The following DSCAM variants were observed in gnomAD, a reference collection of about 807,000 sequenced individuals.
DSCAM encodes cell adhesion molecule DSCAM.
In DSCAM, 47 loss-of-function variants were observed where a neutral mutation model predicts 217.7. That is an observed-to-expected ratio of 0.22 (90% CI 0.17 to 0.28). The LOEUF (loss-of-function observed/expected upper bound fraction) is 0.28. Ranked by LOEUF, DSCAM falls within the 10% of genes least tolerant of loss-of-function variation. DSCAM has a pLI of 1.00. For missense variants in DSCAM, 2,080 were observed against 2,618.3 expected (o/e 0.79, Z 4.49); for synonymous variants, 1,056 against 1,015.3 (o/e 1.04, Z -0.76).
chr21:40,842,472 G>A (rs954054255), intron 1 of DSCAM, among the ~76,000 whole-genome samples: 1 of 152,102 alleles, frequency 6.6e-6, no homozygotes, highest in African/African-American at 2.4e-5. Flanking sequence ...TACGAAACCT[G>A]GATGCCACAT....
chr21:40,067,527 A>C (rs2089224890), intron 27 of DSCAM, among the ~76,000 whole-genome samples: 1 of 152,180 alleles, frequency 6.6e-6, no homozygotes, highest in South Asian at 2.1e-4. Flanking sequence ...TTCTGTCTGC[A>C]TTAGGCTGCT....
intron 3 of DSCAM, among the ~76,000 whole-genome samples, chr21:40,617,065 AAGAC>A (rs1056982120): frequency 4.5e-4 from 68 of 150,482 alleles, no homozygotes; most frequent in Non-Finnish European, 9.4e-4. Flanking sequence ...AATAGACTCT[AAGAC>A]AGCCAGGCAG....
chr21:40,191,586 G>A (rs1029146056), intron 11 of DSCAM, among the ~76,000 whole-genome samples: 1 of 152,082 alleles, frequency 6.6e-6, no homozygotes, highest in East Asian at 1.9e-4. Context: ...GTGCAATTCA[G>A]TTGTACACTT....
rs776488376 is a variant in DSCAM, at chr21:40,347,792, G to T, written c.1088C>A (p.Thr363Lys). The stretch of plus-strand genomic sequence containing the variant: ...TATAAGGTTTTCGTGGTTGATCCCT[G>T]TGATCCTCACATTTTTTCCAGGGTT... ...ILNPGKNVRI[T>K]GINHENLIMD... Residue 363 changes from threonine to lysine, a missense_variant, in exon 6 of 33, where the codon ACA becomes AAA. Thr to Lys is a moderately conservative substitution (Grantham distance 78). Coordinates refer to ENST00000400454, the MANE Select transcript of DSCAM (RefSeq NM_001389.5). The T allele has an allele frequency of 3.1e-6, 5 of 1,614,076 alleles. No homozygotes were observed. The highest frequency in any genetic ancestry group is 4.2e-6 in the Non-Finnish European group (5 of 1,180,032).
At chr21:40,348,137 A>C (rs1322859086) in intron 5 of DSCAM, among the ~76,000 whole-genome samples, 192 bp from the exon 6 acceptor site, 3 of 152,042 alleles carry the variant, frequency 2.0e-5, no homozygotes, top group African/African-American at 7.3e-5. Flanking sequence ...TACTCCACAC[A>C]GTTCCCATCA....
At chr21:40,221,954 T>C (rs548575549) in intron 11 of DSCAM, among the ~76,000 whole-genome samples, 10 of 152,186 alleles carry the variant, frequency 6.6e-5, no homozygotes, top group Non-Finnish European at 1.3e-4. Flanking sequence ...GGACTGAATA[T>C]GAGCTGATCA....
At chr21:40,332,301 C>T (rs2074385700) in intron 8 of DSCAM, among the ~76,000 whole-genome samples, 1 of 152,154 alleles carries the variant, frequency 6.6e-6, no homozygotes, top group Non-Finnish European at 1.5e-5. Flanking sequence ...TTCTGAGAGT[C>T]ACCACGGGTT....
At chr21:40,129,057 C>T (rs183383187) in intron 19 of DSCAM, among the ~76,000 whole-genome samples, 3 of 152,254 alleles carry the variant, frequency 2.0e-5, no homozygotes, top group East Asian at 1.9e-4. Context: ...ACACAGACAC[C>T]GCAGTCAGCT....
chr21:40,093,598 C>G (rs2089638157), intron 21 of DSCAM, 123 bp downstream of exon 21: 2 of 1,222,758 alleles, frequency 1.6e-6, no homozygotes, highest in African/African-American at 1.5e-5. Context: ...GTTTCTTGAG[C>G]TAAAATGTGA....
At chr21:40,139,730 G>A (rs1358360715) in intron 18 of DSCAM, among the ~76,000 whole-genome samples, 3 of 151,814 alleles carry the variant, frequency 2.0e-5, no homozygotes, top group African/African-American at 4.8e-5. Context: ...TGCAGTTTGT[G>A]TATGTGTATG....
chr21:40,535,854 G>T (rs990141239), intron 3 of DSCAM, among the ~76,000 whole-genome samples: 4 of 152,204 alleles, frequency 2.6e-5, no homozygotes, highest in African/African-American at 7.2e-5. Context: ...AACCACACCT[G>T]AAAGTATTTA....
At chr21:40,601,332 G>T (rs1298233815) in intron 3 of DSCAM, among the ~76,000 whole-genome samples, 2 of 152,072 alleles carry the variant, frequency 1.3e-5, no homozygotes, top group African/African-American at 2.4e-5. Context: ...CTGGTACATT[G>T]GAAAGCAATT....
At chr21:40,823,091 C>T (rs1005625932) in intron 1 of DSCAM, among the ~76,000 whole-genome samples, 1 of 151,900 alleles carries the variant, frequency 6.6e-6, no homozygotes, top group Non-Finnish European at 1.5e-5. Context: ...CAGAAGTTGC[C>T]GTGAGCCGAA....
intron 9 of DSCAM, 145 bp from the exon 10 acceptor site, chr21:40,296,319 G>A (rs2073953546): frequency 9.7e-7 from 1 of 1,029,980 alleles, no homozygotes; most frequent in Non-Finnish European, 1.4e-6. Flanking sequence ...ACTATTGGCA[G>A]TTTGGGACAA....
At chr21:40,132,730 C>G (rs1361008897) in intron 19 of DSCAM, among the ~76,000 whole-genome samples, 1 of 152,172 alleles carries the variant, frequency 6.6e-6, no homozygotes, top group Non-Finnish European at 1.5e-5. Context: ...AGATGGCAGG[C>G]TCAGAATAAC....
intron 9 of DSCAM, 57 bp from the exon 10 acceptor site, chr21:40,296,231 T>C: frequency 5.7e-6 from 9 of 1,578,436 alleles, no homozygotes; most frequent in Non-Finnish European, 7.8e-6. Context: ...TGAGTAAAGG[T>C]ATGATTCTAA....
chr21:40,311,470 A>G (rs1283388792), intron 9 of DSCAM, among the ~76,000 whole-genome samples: 1 of 152,202 alleles, frequency 6.6e-6, no homozygotes, highest in African/African-American at 2.4e-5. Flanking sequence ...GATTACTGCC[A>G]GTTTTCTACA....
At position 40,347,736 on chromosome 21, in the gene DSCAM, C is replaced by T. The variant is rs756786822; in HGVS notation, c.1144G>A (p.Ala382Thr). Reference sequence around the variant, plus strand: ...TCCTTGCGCACAAAGCACTGGTATGCGCCCCCGTCACTTTTGACCATGTGA... The same window carrying T: ...TCCTTGCGCACAAAGCACTGGTATGTGCCCCCGTCACTTTTGACCATGTGA... Reference protein sequence around the residue: ...MDHMVKSDGGAYQCFVRKDKL... With the variant: ...MDHMVKSDGGTYQCFVRKDKL... Residue 382 changes from alanine (A) to threonine (T), a missense_variant, in exon 6 of 33, where the codon GCA becomes ACA. Around this residue, in one of 5 missense-constraint regions of DSCAM, gnomAD observed 568 missense variants for 678.1 expected, o/e 0.84. Transcript: ENST00000400454. 5.0e-6 allele frequency: 8 copies of T among 1,614,208 alleles called. No homozygotes were observed. Among genetic ancestry groups the T allele is most frequent in the East Asian group, 2.2e-5 (1 of 44,876 alleles).
At chr21:40,131,877 G>C (rs1374988199) in intron 19 of DSCAM, among the ~76,000 whole-genome samples, 3 of 152,070 alleles carry the variant, frequency 2.0e-5, no homozygotes, top group African/African-American at 7.2e-5. Context: ...ATAATTGATT[G>C]ACAAATTAGA....
Sources: allele counts gnomAD v4.1 joint callset (sites outside exome capture counted in the v4.1 genomes callset), GRCh38; gene constraint gnomAD v4.1.1; regional missense constraint gnomAD v4.1.1; transcripts MANE v1.5; gene names NCBI Gene and HGNC (gene_info 2026-07-23, HGNC 2026-07-21).